The following IMPG2 variants were observed in gnomAD, a reference collection of about 807,000 sequenced individuals.
The protein encoded by IMPG2 is interphotoreceptor matrix proteoglycan 2, also known as IPM 200.
IMPG2 carries 91 observed loss-of-function variants against 129.2 expected under a neutral mutation model. The ratio of observed to expected loss-of-function variants is 0.70; its 90% CI spans 0.59 to 0.84. IMPG2 has a LOEUF of 0.84. Among genes scored for constraint, IMPG2 ranks in the 40% least tolerant of loss-of-function variants. IMPG2 has a pLI of 0.00. For missense variants in IMPG2, 1,430 were observed against 1,461.7 expected (o/e 0.98, Z 0.35); for synonymous variants, 510 against 517.7 (o/e 0.99, Z 0.20).
chr3:101,307,382 A>C (rs535216364), intron 2 of IMPG2, among the ~76,000 whole-genome samples: 2 of 152,232 alleles, frequency 1.3e-5, no homozygotes, highest in East Asian at 3.9e-4. Context: ...GCTGCTATGA[A>C]GAAATGCCCA....
intron 9 of IMPG2, 51 bp from the exon 10 acceptor site, chr3:101,257,824 A>C (rs568922397): frequency 1.9e-6 from 3 of 1,602,430 alleles, no homozygotes; most frequent in East Asian, 2.2e-5. Context: ...AAGCACAAAG[A>C]AAGGAGCATT....
At chr3:101,285,310 C>T (rs913861101) in intron 4 of IMPG2, among the ~76,000 whole-genome samples, 1 of 152,098 alleles carries the variant, frequency 6.6e-6, no homozygotes, top group African/African-American at 2.4e-5. Context: ...AGGCCACATC[C>T]CTGACAGAAA....
intron 12 of IMPG2, 38 bp downstream of exon 12, chr3:101,245,764 T>C (rs774872678): frequency 9.5e-6 from 15 of 1,575,164 alleles, no homozygotes; most frequent in Admixed American, 1.7e-5. Context: ...TGTCATCGGA[T>C]ACAATAAGAA....
intron 4 of IMPG2, among the ~76,000 whole-genome samples, chr3:101,278,973 T>C (rs1283671099): frequency 2.0e-5 from 3 of 152,038 alleles, no homozygotes; most frequent in Admixed American, 6.5e-5. Context: ...AAAATGGGAT[T>C]CAGATGCATT....
intron 7 of IMPG2, among the ~76,000 whole-genome samples, 173 bp downstream of exon 7, chr3:101,273,408 C>T (rs572366094): frequency 1.3e-5 from 2 of 152,278 alleles, no homozygotes; most frequent in South Asian, 4.1e-4. Flanking sequence ...TGAAAGAATT[C>T]ATCTGTCCTA....
At chr3:101,237,038 C>T (rs918194311) in intron 14 of IMPG2, among the ~76,000 whole-genome samples, 8 of 152,146 alleles carry the variant, frequency 5.3e-5, no homozygotes, top group African/African-American at 4.8e-5. Flanking sequence ...CAGAGAGGGG[C>T]GTCCACCATT....
rs2058802923 is a variant in IMPG2 at position 101,319,850 on chromosome 3, A to G, written c.86-18T>C. ...GGTTTGTGCTACAGAGTGAAAGTATAGTCAAGTCTTCGATAATGAAGATAC... is the reference window on the plus strand; with the variant it reads ...GGTTTGTGCTACAGAGTGAAAGTATGGTCAAGTCTTCGATAATGAAGATAC... On this transcript the variant is annotated intron_variant, in intron 1 of 18. Transcript: ENST00000193391. The G allele has an allele frequency of 1.2e-6, 2 of 1,608,056 alleles. No individual in the cohort carries two copies. The highest frequency in any genetic ancestry group is 8.5e-7 in the Non-Finnish European group (1 of 1,178,716).
chr3:101,280,060 C>A (rs1706876902), intron 4 of IMPG2, among the ~76,000 whole-genome samples: 1 of 152,202 alleles, frequency 6.6e-6, no homozygotes, highest in African/African-American at 2.4e-5. Flanking sequence ...CTAAGTCAAA[C>A]CACAAAGTTG....
At position 101,257,731 on chromosome 3, in the gene IMPG2, G is replaced by T; in HGVS notation, c.951C>A (p.Ala317=). ...VYYAVTFNGE[A]ISNTTWDLIS... is the part of the protein sequence containing the mutation. ...TGAGGTCCCAGGTGGTATTGCTGAT[G>T]GCCTCACCATTGAAGGTAACTGCAT... is the stretch of plus-strand genomic sequence containing the variant. Residue 317 remains alanine, a synonymous_variant, in exon 10 of 19, where the codon GCC becomes GCA. Transcript: ENST00000193391. 6.2e-7 allele frequency: 1 copy of T among 1,613,116 alleles called. No individual in the cohort carries two copies. Among genetic ancestry groups the T allele is most frequent in the Non-Finnish European group, 8.5e-7 (1 of 1,179,334 alleles).
At chr3:101,309,073 G>A (rs505037) in intron 2 of IMPG2, among the ~76,000 whole-genome samples, 4 of 152,030 alleles carry the variant, frequency 2.6e-5, no homozygotes, top group African/African-American at 9.7e-5. Context: ...TCATCTCCAT[G>A]TGAGACCTCC....
chr3:101,237,095 C>T (rs779755544), intron 14 of IMPG2, among the ~76,000 whole-genome samples: 25 of 152,242 alleles, frequency 1.6e-4, no homozygotes, highest in Non-Finnish European at 2.9e-4. Context: ...TAAATAAAGC[C>T]GCCCGGAAAT....
Position 101,264,022 on chromosome 3 carries a change from C to T in IMPG2, c.908+3489G>A, listed in dbSNP as rs551794354. Among the ~76,000 whole-genome samples, 5 of 151,860 alleles carry T rather than the reference C, an allele frequency of 3.3e-5. No individual in the cohort carries two copies. The South Asian group carries it at 1.0e-3, about 32-fold the overall frequency. On this transcript the variant is annotated intron_variant, in intron 9 of 18. Transcript: ENST00000193391. ...GAAATAAATTCCTGAACACATTTAA[C>T]CTACCAAAATTGAACCAAAAAGAAA...
intron 11 of IMPG2, among the ~76,000 whole-genome samples, chr3:101,252,286 G>A (rs2107228554): frequency 6.6e-6 from 1 of 152,268 alleles, no homozygotes; most frequent in African/African-American, 2.4e-5. Context: ...CAAGCTGCGT[G>A]TCTATAGTTG....
intron 15 of IMPG2, among the ~76,000 whole-genome samples, chr3:101,232,359 T>C (rs774562583): frequency 7.9e-5 from 12 of 152,138 alleles, no homozygotes; most frequent in Non-Finnish European, 1.8e-4. Flanking sequence ...TGCCTTAGCC[T>C]CACAAGTAGC....
intron 16 of IMPG2, 59 bp from the exon 17 acceptor site, chr3:101,229,649 CTATT>C: frequency 5.6e-6 from 8 of 1,420,172 alleles, no homozygotes; most frequent in African/African-American, 5.6e-5. Flanking sequence ...ATGTGGAAGA[CTATT>C]TACCTGGGAC....
intron 10 of IMPG2, among the ~76,000 whole-genome samples, chr3:101,255,645 T>G (rs566259006): frequency 1.3e-5 from 2 of 152,088 alleles, no homozygotes; most frequent in South Asian, 2.1e-4. Context: ...TCCTGATTCC[T>G]AGAATCTTCT....
intron 2 of IMPG2, among the ~76,000 whole-genome samples, chr3:101,314,418 G>A (rs2058772819): frequency 6.6e-6 from 1 of 152,044 alleles, no homozygotes; most frequent in Non-Finnish European, 1.5e-5. Flanking sequence ...TATGGGCTGT[G>A]GATGGCTTCA....
chr3:101,229,506 T>A lies in IMPG2; in HGVS notation c.3507A>T (p.Gly1169=), dbSNP rs777615670. ...YNPVYESHRA[G]CEKYEGPYPQ... ...GATAGGGTCCCTCATACTTCTCACA[T>A]CCAGCCCTGTGACTTTCATACACGG... is the stretch of plus-strand genomic sequence containing the variant. The change falls in exon 17 of 19, where the codon GGA becomes GGT. Residue 1169 remains glycine, a synonymous_variant. Coordinates refer to ENST00000193391, the MANE Select transcript of IMPG2 (RefSeq NM_016247.4). The A allele has an allele frequency of 2.5e-6, 4 of 1,613,712 alleles. No homozygotes were observed. The highest frequency in any genetic ancestry group is 1.1e-5 in the South Asian group (1 of 91,062).
Position 101,263,989 on chromosome 3 carries a change from A to G in IMPG2, c.908+3522T>C, listed in dbSNP as rs563206051. Among the ~76,000 whole-genome samples, 5 of 151,998 alleles carry G rather than the reference A, an allele frequency of 3.3e-5. No homozygotes were observed. In the South Asian group the frequency reaches 1.0e-3, roughly 31 times the overall value. On this transcript the variant is annotated intron_variant, in intron 9 of 18. Transcript: ENST00000193391. ...TAACCATATGCCAATAAATTTGAAA[A>G]CCTAGTGGAAATAAATTCCTGAACA... is the stretch of plus-strand genomic sequence containing the variant.
Sources: gnomAD v4.1 joint callset for allele counts (sites outside exome capture counted in the v4.1 genomes callset) on GRCh38, gnomAD v4.1.1 for gene constraint, MANE v1.5 for transcripts, NCBI Gene and HGNC (gene_info 2026-07-23, HGNC 2026-07-21) for gene names.